WIPF2: variants seen among roughly 807,000 people sequenced by gnomAD.
WIPF2 encodes WAS/WASL-interacting protein family member 2.
WIPF2 carries 23 observed loss-of-function variants against 38.8 expected under a neutral mutation model. That is an observed-to-expected ratio of 0.59 (90% CI 0.43 to 0.84). The LOEUF (loss-of-function observed/expected upper bound fraction) is 0.84. WIPF2 is among the 40% of genes least tolerant of loss of function. The pLI is 0.00. For synonymous variants in WIPF2, 210 were observed against 223.2 expected (o/e 0.94, Z 0.53); for missense variants, 574 against 580.5 (o/e 0.99, Z 0.11).
chr17:40,233,647 T>G (rs2030840537), intron 1 of WIPF2, among the ~76,000 whole-genome samples: 1 of 152,116 alleles, frequency 6.6e-6, no homozygotes. Context: ...TTCTTACATA[T>G]TATCTGTTGA....
intron 4 of WIPF2, among the ~76,000 whole-genome samples, chr17:40,264,201 C>T (rs1390420733): frequency 5.9e-5 from 9 of 151,264 alleles, no homozygotes; most frequent in African/African-American, 1.2e-4. Context: ...GGTGTGGTGG[C>T]GCACACCTGT....
chr17:40,278,872 A>C lies in WIPF2; in HGVS notation c.*647A>C, dbSNP rs1360897721. On this transcript the variant is annotated 3_prime_UTR_variant, in exon 8 of 8. Transcript: ENST00000323571. The stretch of plus-strand genomic sequence containing the variant: ...CACTAAATACTAATCAGTTGAACTT[A>C]ACATTTAATAAAAAGAAAGGGTGAA... 1.3e-5 allele frequency: 2 copies of C among 151,268 alleles called. No individual in the cohort carries two copies. The highest frequency in any genetic ancestry group is 4.9e-5 in the African/African-American group (2 of 41,108). 9.4% of individuals were successfully genotyped at this position (151,268 alleles called of 1,614,324 possible).
intron 5 of WIPF2, among the ~76,000 whole-genome samples, chr17:40,270,406 A>G (rs149811923): frequency 1.4e-4 from 21 of 152,056 alleles, no homozygotes; most frequent in Admixed American, 7.2e-4. Flanking sequence ...GATCTGACAA[A>G]GAGCCCAGAA....
chr17:40,227,915 T>C (rs1383753772), intron 1 of WIPF2, among the ~76,000 whole-genome samples: 1 of 151,284 alleles, frequency 6.6e-6, no homozygotes. Flanking sequence ...CAAATATGTA[T>C]ATTTCTTGTT....
intron 1 of WIPF2, among the ~76,000 whole-genome samples, chr17:40,232,635 A>G (rs544113613): frequency 6.8e-6 from 1 of 147,786 alleles, no homozygotes; most frequent in African/African-American, 2.5e-5. Context: ...TGATTTTAAT[A>G]TTAATTTCTC....
At chr17:40,241,101 A>G (rs1279205906) in intron 1 of WIPF2, among the ~76,000 whole-genome samples, 3 of 152,156 alleles carry the variant, frequency 2.0e-5, no homozygotes, top group Non-Finnish European at 4.4e-5. Context: ...GTGTCTTTAC[A>G]GTTGATTACT....
At chr17:40,270,890 G>A (rs938381977) in intron 5 of WIPF2, among the ~76,000 whole-genome samples, 1 of 152,122 alleles carries the variant, frequency 6.6e-6, no homozygotes, top group African/African-American at 2.4e-5. Context: ...GATTGTGTGT[G>A]TGTGTGTGTG....
At chr17:40,271,284 G>A (rs935503269) in intron 5 of WIPF2, among the ~76,000 whole-genome samples, 4 of 152,112 alleles carry the variant, frequency 2.6e-5, no homozygotes, top group East Asian at 1.9e-4. Flanking sequence ...CCAAGATACC[G>A]TTTTACTACT....
At chr17:40,220,609 A>ATG (rs1174378921) in intron 1 of WIPF2, 22 of 85,418 alleles carry the variant, frequency 2.6e-4, no homozygotes, top group South Asian at 1.0e-3. Context: ...ATATATATAT[A>ATG]TATATATATG....
At chr17:40,232,312 C>CTG (rs2030783139) in intron 1 of WIPF2, among the ~76,000 whole-genome samples, 1 of 150,180 alleles carries the variant, frequency 6.7e-6, no homozygotes, top group Admixed American at 6.7e-5. Flanking sequence ...GCTTCAGCCT[C>CTG]TGGAGTAGCT....
chr17:40,274,573 A>AAAAAG (rs2032335811), intron 6 of WIPF2, among the ~76,000 whole-genome samples: 1 of 147,876 alleles, frequency 6.8e-6, no homozygotes, highest in African/African-American at 2.5e-5. Context: ...AAAAAAAAAA[A>AAAAAG]AAAAAAAAAA....
At chr17:40,238,136 C>T (rs760503689) in intron 1 of WIPF2, among the ~76,000 whole-genome samples, 8 of 151,546 alleles carry the variant, frequency 5.3e-5, no homozygotes, top group East Asian at 2.0e-4. Flanking sequence ...GGATTACAGA[C>T]GTGAGCCACC....
chr17:40,264,736 A>G lies in WIPF2; in HGVS notation c.560A>G (p.Asn187Ser), dbSNP rs1432996878. 2.5e-6 allele frequency: 4 copies of G among 1,607,570 alleles called. No homozygotes were observed. The highest frequency in any genetic ancestry group is 1.7e-5 in the Admixed American group (1 of 59,348). ...CCACCACCCCCAGGGCGGCGTGCCA[A>G]CGCACCCCCCACACCTCTGCCTATG... ...PPPPPPGRRA[N>S]APPTPLPMHS... is the part of the protein sequence containing the mutation. The change falls in exon 5 of 8, where the codon AAC becomes AGC. Residue 187 changes from asparagine (N) to serine (S), a missense_variant. Asn to Ser is a conservative substitution (Grantham distance 46). Transcript: ENST00000323571.
At chr17:40,238,398 A>C (rs1347660009) in intron 1 of WIPF2, among the ~76,000 whole-genome samples, 1 of 151,416 alleles carries the variant, frequency 6.6e-6, no homozygotes, top group Non-Finnish European at 1.5e-5. Context: ...CTGCCTCCCC[A>C]GTTCAAGCAA....
At chr17:40,269,619 T>TG (rs2032189037) in intron 5 of WIPF2, among the ~76,000 whole-genome samples, 1 of 141,792 alleles carries the variant, frequency 7.1e-6, no homozygotes, top group African/African-American at 2.6e-5. Flanking sequence ...TTTTTTTTTT[T>TG]TTTGAGATGG....
chr17:40,258,881 A>G (rs984391967), intron 2 of WIPF2, among the ~76,000 whole-genome samples: 3 of 151,412 alleles, frequency 2.0e-5, no homozygotes, highest in African/African-American at 7.3e-5. Flanking sequence ...CCTGGGCTCA[A>G]GTGATCCGCT....
chr17:40,252,693 G>A (rs1365964294), intron 1 of WIPF2, among the ~76,000 whole-genome samples: 1 of 150,620 alleles, frequency 6.6e-6, no homozygotes, highest in Non-Finnish European at 1.5e-5. Context: ...TCCTCAAAAA[G>A]GCAGGACCTC....
chr17:40,262,206 G>C (rs138372874), intron 3 of WIPF2, among the ~76,000 whole-genome samples: 1 of 151,184 alleles, frequency 6.6e-6, no homozygotes, highest in Non-Finnish European at 1.5e-5. Context: ...TCAGCCTCCC[G>C]AGTAGCTGGG....
intron 6 of WIPF2, among the ~76,000 whole-genome samples, chr17:40,274,927 G>C (rs1247864382): frequency 3.3e-5 from 4 of 120,328 alleles, no homozygotes; most frequent in African/African-American, 1.3e-4. Flanking sequence ...GAGAGAATCT[G>C]TCTCAAAAAA....
Sources: gnomAD v4.1 joint callset for allele counts (sites outside exome capture counted in the v4.1 genomes callset) on GRCh38, gnomAD v4.1.1 for gene constraint, MANE v1.5 for transcripts, NCBI Gene and HGNC (gene_info 2026-07-23, HGNC 2026-07-21) for gene names.